CENPF: variants seen among roughly 807,000 people sequenced by gnomAD.
The protein encoded by CENPF is AH antigen.
CENPF carries 214 observed loss-of-function variants against 307.3 expected under a neutral mutation model. The ratio of observed to expected loss-of-function variants is 0.70; its 90% CI spans 0.62 to 0.78. The LOEUF (loss-of-function observed/expected upper bound fraction) is 0.78, where lower values mean the gene tolerates loss of function less well. CENPF is among the 30% of genes least tolerant of loss of function. CENPF has a pLI of 0.00. For missense variants in CENPF, 3,401 were observed against 3,483.9 expected (o/e 0.98, Z 0.60); for synonymous variants, 1,259 against 1,270.6 (o/e 0.99, Z 0.19).
chr1:214,641,922 A>G lies in CENPF; in HGVS notation c.3584A>G (p.Asp1195Gly). 1 of 1,590,026 alleles carries G rather than the reference A, an allele frequency of 6.3e-7. No individual in the cohort carries two copies. The highest frequency in any genetic ancestry group is 8.5e-7 in the Non-Finnish European group (1 of 1,172,492). ...RNQCNFKPQM[D>G]LEVKEISLDS... ...CAATGTAATTTTAAACCTCAGATGGATCTTGAAGTTAAAGAAATTTCTCTA... is the reference window on the plus strand; with the variant it reads ...CAATGTAATTTTAAACCTCAGATGGGTCTTGAAGTTAAAGAAATTTCTCTA... The change falls in exon 12 of 20, where the codon GAT (aspartate) becomes GGT (glycine). Residue 1195 changes from aspartate (D) to glycine (G), a missense_variant. Asp to Gly is a moderately conservative substitution (Grantham distance 94). Coordinates refer to ENST00000366955, the MANE Select transcript of CENPF (RefSeq NM_016343.4).
chr1:214,628,963 A>T, intron 7 of CENPF, 83 bp from the exon 8 acceptor site: 1 of 1,018,666 alleles, frequency 9.8e-7, no homozygotes, highest in Non-Finnish European at 1.4e-6. Flanking sequence ...AAACAATTAT[A>T]GCAGTTTTTC....
intron 7 of CENPF, among the ~76,000 whole-genome samples, chr1:214,622,931 G>C (rs758811643): frequency 2.0e-5 from 3 of 152,108 alleles, no homozygotes; most frequent in Non-Finnish European, 4.4e-5. Context: ...AAAGAAAAAG[G>C]CCGGGCACCT....
chr1:214,603,485 A>G (rs780855797), intron 1 of CENPF, 164 bp downstream of exon 1: 1 of 151,974 alleles, frequency 6.6e-6, no homozygotes, highest in East Asian at 1.9e-4. Context: ...CTCCCACCCG[A>G]CCGAACTGGA....
chr1:214,621,405 C>T (rs571609082), intron 6 of CENPF, among the ~76,000 whole-genome samples: 151 of 152,296 alleles, frequency 9.9e-4, no homozygotes, highest in African/African-American at 2.9e-3. Context: ...TGCTGTGCCA[C>T]GCTGCAGCTG....
intron 1 of CENPF, among the ~76,000 whole-genome samples, chr1:214,606,303 C>T (rs1263548522): frequency 1.6e-5 from 2 of 127,974 alleles, no homozygotes; most frequent in Non-Finnish European, 3.4e-5. Flanking sequence ...CCTGGCGCTG[C>T]CGTTCCCTGG....
chr1:214,655,048 C>T (rs1396965612), intron 16 of CENPF, 193 bp from the exon 17 acceptor site: 1 of 379,194 alleles, frequency 2.6e-6, no homozygotes, highest in African/African-American at 2.1e-5. Flanking sequence ...AATGACAAAA[C>T]CACATTGTCA....
intron 1 of CENPF, among the ~76,000 whole-genome samples, chr1:214,610,058 A>G (rs570850511): frequency 7.3e-6 from 1 of 137,884 alleles, no homozygotes; most frequent in Non-Finnish European, 1.5e-5. Flanking sequence ...GGATTTTGCC[A>G]TGTTGCCCAG....
chr1:214,605,336 A>G, intron 1 of CENPF: 1 of 265,976 alleles, frequency 3.8e-6, no homozygotes, highest in Non-Finnish European at 7.2e-6. Flanking sequence ...AGTCACCATC[A>G]TTATTATCCT....
chr1:214,652,317 G>A (rs554182317), intron 15 of CENPF, among the ~76,000 whole-genome samples: 39 of 151,916 alleles, frequency 2.6e-4, no homozygotes, highest in Middle Eastern at 3.4e-3. Flanking sequence ...TTACAGGCGT[G>A]AGCCACTGCG....
chr1:214,644,872 G>A lies in CENPF; in HGVS notation c.5302G>A (p.Asp1768Asn), dbSNP rs3748692. 102,540 of 1,613,586 alleles carry A rather than the reference G, an allele frequency of 0.064. 4,277 individuals carry two copies. Among genetic ancestry groups the A allele is most frequent in the South Asian group, 0.15 (13,430 of 90,992 alleles). The change falls in exon 13 of 20, where the codon GAT becomes AAT. Residue 1768 changes from aspartate to asparagine, a missense_variant. Coordinates refer to ENST00000366955, the MANE Select transcript of CENPF (RefSeq NM_016343.4). ...VPMDFLGNQEDIHNLQLRVKE... is the reference protein window; with the variant it reads ...VPMDFLGNQENIHNLQLRVKE... The stretch of plus-strand genomic sequence containing the variant: ...TATGGATTTCCTGGGGAATCAGGAA[G>A]ATATCCATAATCTTCAACTGCGGGT...
At chr1:214,662,936 A>C (rs1288569479) in intron 19 of CENPF, among the ~76,000 whole-genome samples, 1 of 151,988 alleles carries the variant, frequency 6.6e-6, no homozygotes, top group Non-Finnish European at 1.5e-5. Context: ...TGAGCCACTA[A>C]GCCTGACCCA....
rs372430358 is a variant in CENPF, at chr1:214,651,812, A to C, written c.8086A>C (p.Ile2696Leu). The change falls in exon 15 of 20, where the codon ATA becomes CTA. Residue 2696 changes from isoleucine (I) to leucine (L), a missense_variant. Coordinates refer to ENST00000366955, the MANE Select transcript of CENPF (RefSeq NM_016343.4). ...AAAGGAAGGGAAAGTGAGAGAGGAA[A>C]TAGCTGAATATCAGCTACGGCTTCA... is the stretch of plus-strand genomic sequence containing the variant. ...VEKEGKVREE[I>L]AEYQLRLHEA... 7.4e-6 allele frequency: 12 copies of C among 1,613,346 alleles called. No individual in the cohort carries two copies. The highest frequency in any genetic ancestry group is 1.0e-5 in the Non-Finnish European group (12 of 1,179,684).
rs141235377 is a variant in CENPF at position 214,642,058 on chromosome 1, A to T, written c.3720A>T (p.Thr1240=). The T allele has an allele frequency of 3.7e-4, 603 of 1,611,342 alleles. 1 individual carries two copies. The highest frequency in any genetic ancestry group is 4.7e-4 in the Non-Finnish European group (559 of 1,179,304). ...AGTGCCTGCAGCATGAATTACAGAC[A>T]ATTAGAGGAGATCTTGAAACCAGCA... ...EKECLQHELQ[T]IRGDLETSNL... Residue 1240 remains threonine (T), a synonymous_variant, in exon 12 of 20, where the codon ACA becomes ACT. Transcript: ENST00000366955.
chr1:214,654,934 T>C (rs1658589172), intron 16 of CENPF, among the ~76,000 whole-genome samples: 2 of 152,132 alleles, frequency 1.3e-5, no homozygotes, highest in Non-Finnish European at 2.9e-5. Flanking sequence ...GTTGTCTCCC[T>C]GTCCAGTAAT....
chr1:214,627,120 G>A (rs959341931), intron 7 of CENPF, among the ~76,000 whole-genome samples: 4 of 152,024 alleles, frequency 2.6e-5, no homozygotes, highest in African/African-American at 9.7e-5. Flanking sequence ...CCAGGCTGGA[G>A]TGCAGTGAAG....
intron 10 of CENPF, among the ~76,000 whole-genome samples, chr1:214,636,920 G>A (rs889764156): frequency 6.6e-6 from 1 of 152,188 alleles, no homozygotes; most frequent in Non-Finnish European, 1.5e-5. Flanking sequence ...GTGGCATACA[G>A]TATAGGTTGA....
intron 1 of CENPF, chr1:214,608,565 C>G: frequency 6.2e-7 from 1 of 1,610,586 alleles, no homozygotes; most frequent in Non-Finnish European, 8.5e-7. Flanking sequence ...GGCGGGCGCT[C>G]TTGGTGGGGA....
At chr1:214,663,164 G>A (rs1658829085) in intron 19 of CENPF, among the ~76,000 whole-genome samples, 3 of 152,220 alleles carry the variant, frequency 2.0e-5, no homozygotes, top group Admixed American at 6.5e-5. Context: ...CCCTGAACTG[G>A]TCCTTGGTCA....
At position 214,646,609 on chromosome 1, in the gene CENPF, A is replaced by C; in HGVS notation, c.7039A>C (p.Ile2347Leu). 6.2e-7 allele frequency: 1 copy of C among 1,614,114 alleles called. No homozygotes were observed. Among genetic ancestry groups the C allele is most frequent in the Non-Finnish European group, 8.5e-7 (1 of 1,180,004 alleles). The change falls in exon 13 of 20, where the codon ATA (isoleucine) becomes CTA (leucine). Residue 2347 changes from isoleucine (I) to leucine (L), a missense_variant. Transcript: ENST00000366955. Reference sequence around the variant, plus strand: ...GGAGAACCTTGAAAGAGAGCTAGAGATAGCCAGGACAAACCAAGAGCATGC... The same window carrying C: ...GGAGAACCTTGAAAGAGAGCTAGAGCTAGCCAGGACAAACCAAGAGCATGC... ...RVENLERELE[I>L]ARTNQEHAAL...
Sources: gnomAD v4.1 joint callset for allele counts (sites outside exome capture counted in the v4.1 genomes callset) on GRCh38, gnomAD v4.1.1 for gene constraint, MANE v1.5 for transcripts, NCBI Gene and HGNC (gene_info 2026-07-23, HGNC 2026-07-21) for gene names.